CSMD1: variants seen among roughly 807,000 people sequenced by gnomAD.
CSMD1 encodes CUB and sushi domain-containing protein 1.
Under a neutral mutation model 417.5 loss-of-function variants are expected in CSMD1, and 213 were observed. The observed-to-expected ratio is 0.51, with a 90% CI of 0.46 to 0.57. The LOEUF (loss-of-function observed/expected upper bound fraction) is 0.57, where lower values mean the gene tolerates loss of function less well. CSMD1 is among the 20% of genes least tolerant of loss of function. The probability of loss-of-function intolerance (pLI) is 0.00; values close to 1 mark genes in which losing one functional copy is unlikely to be tolerated. For synonymous variants in CSMD1, 2,862 were observed against 1,736.8 expected (o/e 1.65, Z -16.11); for missense variants, 6,923 against 4,529.7 (o/e 1.53, Z -15.17).
chr8:3,279,271 C>T (rs758662137), intron 26 of CSMD1: 1 of 152,196 alleles, frequency 6.6e-6, no homozygotes, highest in Admixed American at 6.5e-5. Context: ...GACCATGTCC[C>T]TCTCTGGACT....
intron 5 of CSMD1, among the ~76,000 whole-genome samples, chr8:3,839,075 C>G (rs1397466868): frequency 8.3e-6 from 1 of 120,548 alleles, no homozygotes; most frequent in African/African-American, 3.1e-5. Context: ...GATATATAGC[C>G]TAGGCTATAT....
intron 1 of CSMD1, among the ~76,000 whole-genome samples, chr8:4,656,226 A>C (rs114759956): frequency 0.012 from 1,799 of 152,096 alleles, 48 homozygotes; most frequent in African/African-American, 0.04. Flanking sequence ...GCTGTGGAAA[A>C]GCCTTAGGTT....
At chr8:4,418,728 C>T (rs1028934166) in intron 3 of CSMD1, among the ~76,000 whole-genome samples, 1 of 152,120 alleles carries the variant, frequency 6.6e-6, no homozygotes, top group African/African-American at 2.4e-5. Context: ...ACAATCAAAA[C>T]TGAAAGCTAA....
At chr8:3,511,560 G>C (rs1032753022) in intron 10 of CSMD1, among the ~76,000 whole-genome samples, 1 of 151,430 alleles carries the variant, frequency 6.6e-6, no homozygotes, top group Non-Finnish European at 1.5e-5. Context: ...TTTGAGATCA[G>C]CCCGGCCAAA....
At chr8:3,948,885 AAGG>A (rs1386601027) in intron 5 of CSMD1, among the ~76,000 whole-genome samples, 2 of 152,122 alleles carry the variant, frequency 1.3e-5, no homozygotes, top group Non-Finnish European at 2.9e-5. Context: ...ACTAACAAAA[AAGG>A]AGATTTTTTT....
At chr8:3,959,744 A>T (rs992023235) in intron 5 of CSMD1, among the ~76,000 whole-genome samples, 1 of 152,132 alleles carries the variant, frequency 6.6e-6, no homozygotes, top group African/African-American at 2.4e-5. Flanking sequence ...GCGGGAACAC[A>T]CTCAAACTTA....
intron 2 of CSMD1, among the ~76,000 whole-genome samples, chr8:4,463,927 G>C (rs182282898): frequency 6.6e-5 from 10 of 152,130 alleles, no homozygotes; most frequent in Non-Finnish European, 1.5e-4. Flanking sequence ...TTAAAAGAAA[G>C]CAGCAGCTCA....
chr8:3,227,384 T>G (rs1283198905), intron 27 of CSMD1, among the ~76,000 whole-genome samples: 1 of 152,006 alleles, frequency 6.6e-6, no homozygotes, highest in Non-Finnish European at 1.5e-5. Context: ...GGCAACTGAG[T>G]GAGACTCTAC....
chr8:3,150,337 GTCC>G (rs769368375), intron 40 of CSMD1, among the ~76,000 whole-genome samples: 6 of 152,144 alleles, frequency 3.9e-5, no homozygotes, highest in Non-Finnish European at 7.3e-5. Context: ...CTCTTCCACA[GTCC>G]TCCTCTTTTC....
intron 26 of CSMD1, among the ~76,000 whole-genome samples, chr8:3,243,328 C>CGTCCAT (rs1799664878): frequency 6.6e-6 from 1 of 152,152 alleles, no homozygotes; most frequent in Non-Finnish European, 1.5e-5. Flanking sequence ...ATTTCACTCG[C>CGTCCAT]GTCCATGTGA....
intron 3 of CSMD1, among the ~76,000 whole-genome samples, chr8:4,092,886 G>C (rs1057369225): frequency 6.6e-6 from 1 of 152,000 alleles, no homozygotes; most frequent in Non-Finnish European, 1.5e-5. Flanking sequence ...AATTACTTCT[G>C]GACTTGCCAA....
chr8:4,304,062 G>T (rs1222423480), intron 3 of CSMD1, among the ~76,000 whole-genome samples: 1 of 152,114 alleles, frequency 6.6e-6, no homozygotes, highest in Non-Finnish European at 1.5e-5. Flanking sequence ...GGATCACAAA[G>T]CCTCGATGAA....
At chr8:3,981,345 G>T (rs928335580) in intron 5 of CSMD1, among the ~76,000 whole-genome samples, 1 of 151,992 alleles carries the variant, frequency 6.6e-6, no homozygotes, top group African/African-American at 2.4e-5. Flanking sequence ...GACTTCAGGG[G>T]AAGAGTGGAA....
chr8:3,445,336 C>T (rs1480484410), intron 12 of CSMD1, among the ~76,000 whole-genome samples: 1 of 152,192 alleles, frequency 6.6e-6, no homozygotes, highest in Non-Finnish European at 1.5e-5. Context: ...CTATCACATT[C>T]TGCAGATTGA....
chr8:3,949,387 T>C (rs1342140184), intron 5 of CSMD1, among the ~76,000 whole-genome samples: 1 of 152,198 alleles, frequency 6.6e-6, no homozygotes, highest in Admixed American at 6.5e-5. Context: ...ACAACCACTT[T>C]ACTTCTCAGA....
intron 3 of CSMD1, among the ~76,000 whole-genome samples, chr8:4,392,579 C>T (rs1246291997): frequency 6.6e-6 from 1 of 151,556 alleles, no homozygotes; most frequent in Non-Finnish European, 1.5e-5. Flanking sequence ...GTGTAAATGG[C>T]TTTCATCTGA....
chr8:3,994,124 G>A lies in CSMD1; in HGVS notation c.818+3779C>T, dbSNP rs145112438. ...GCTGAAGCTCAGTCATGGAAGTTAA[G>A]AATCGATGCATTTATATTTGTTTTG... is the stretch of plus-strand genomic sequence containing the variant. On this transcript the variant is annotated intron_variant, in intron 5 of 69. Transcript: ENST00000635120. Among the ~76,000 whole-genome samples, 635 of 152,268 alleles carry A rather than the reference G, an allele frequency of 4.2e-3. 3 individuals carry two copies. Among genetic ancestry groups the A allele is most frequent in the Middle Eastern group, 0.01 (3 of 294 alleles).
intron 3 of CSMD1, among the ~76,000 whole-genome samples, chr8:4,133,888 A>T (rs926932600): frequency 6.6e-6 from 1 of 152,182 alleles, no homozygotes; most frequent in African/African-American, 2.4e-5. Context: ...TTTTTATAAG[A>T]AATCTTGTAA....
At position 3,572,647 on chromosome 8, in the gene CSMD1, C is replaced by T. The variant is rs966810456; in HGVS notation, c.1344+2298G>A. Among the ~76,000 whole-genome samples, 5 of 152,266 alleles carry T rather than the reference C, an allele frequency of 3.3e-5. No individual in the cohort carries two copies. The East Asian group carries it at 7.7e-4, about 24-fold the overall frequency. On this transcript the variant is annotated intron_variant, in intron 10 of 69. Coordinates refer to ENST00000635120, the MANE Select transcript of CSMD1 (RefSeq NM_033225.6). ...GAAATTCAAGAAGAGTTCCTTCTGC[C>T]TCTCAAATTGCAGAAGTAACATAAT... is the stretch of plus-strand genomic sequence containing the variant.
Sources: allele counts gnomAD v4.1 joint callset (sites outside exome capture counted in the v4.1 genomes callset), GRCh38; gene constraint gnomAD v4.1.1; transcripts MANE v1.5; gene names NCBI Gene and HGNC (gene_info 2026-07-23, HGNC 2026-07-21).